SLC16A10: variants seen among roughly 807,000 people sequenced by gnomAD.
SLC16A10 encodes solute carrier family 16 member 10.
SLC16A10 carries 27 observed loss-of-function variants against 40.0 expected under a neutral mutation model. The ratio of observed to expected loss-of-function variants is 0.67; its 90% confidence interval spans 0.50 to 0.93. The LOEUF (loss-of-function observed/expected upper bound fraction) is 0.93, where lower values mean the gene tolerates loss of function less well. Among genes scored for constraint, SLC16A10 ranks in the 40% least tolerant of loss-of-function variants. The probability of loss-of-function intolerance (pLI) is 0.00; values close to 1 mark genes in which losing one functional copy is unlikely to be tolerated. For synonymous variants in SLC16A10, 213 were observed against 249.8 expected (o/e 0.85, Z 1.39); for missense variants, 529 against 658.2 (o/e 0.80, Z 2.15).
At chr6:111,146,140 G>A (rs1583327172) in intron 1 of SLC16A10, among the ~76,000 whole-genome samples, 1 of 152,180 alleles carries the variant, frequency 6.6e-6, no homozygotes, top group Non-Finnish European at 1.5e-5. Context: ...ATTTAAAAAT[G>A]TTGAAAGGAT....
At chr6:111,155,470 G>A (rs532661181) in intron 1 of SLC16A10, among the ~76,000 whole-genome samples, 34 of 152,188 alleles carry the variant, frequency 2.2e-4, no homozygotes, top group Non-Finnish European at 4.6e-4. Flanking sequence ...AAAGTGTTGG[G>A]ATTACAGACG....
chr6:111,178,672 C>T (rs1157528649), intron 3 of SLC16A10: 2 of 214,092 alleles, frequency 9.3e-6, no homozygotes, highest in Non-Finnish European at 1.9e-5. Flanking sequence ...AATGTATTTA[C>T]AATTCACCGT....
At chr6:111,150,048 AT>A (rs1222112313) in intron 1 of SLC16A10, among the ~76,000 whole-genome samples, 4 of 152,212 alleles carry the variant, frequency 2.6e-5, no homozygotes, top group Non-Finnish European at 5.9e-5. Flanking sequence ...TATGGGCTGA[AT>A]TTGTCTCCCA....
intron 5 of SLC16A10, among the ~76,000 whole-genome samples, chr6:111,220,009 C>T (rs941128046): frequency 2.6e-5 from 4 of 152,284 alleles, no homozygotes; most frequent in East Asian, 1.9e-4. Context: ...GGATCTATTG[C>T]GCCTGGGAGA....
In SLC16A10 at chr6:111,172,726, T is replaced by G; in HGVS notation, c.375T>G (p.Ile125Met). 2 of 1,614,178 alleles carry G rather than the reference T, an allele frequency of 1.2e-6. No homozygotes were observed. Among genetic ancestry groups the G allele is most frequent in the South Asian group, 2.2e-5 (2 of 91,078 alleles). The change falls in exon 2 of 6, where the codon ATT becomes ATG. Residue 125 changes from isoleucine (I) to methionine (M), a missense_variant. By Grantham distance (10) the Ile-to-Met change is conservative. Coordinates refer to ENST00000368851, the MANE Select transcript of SLC16A10 (RefSeq NM_018593.5). ...TAGGTTCTCTCTCCATGGGGATGAT[T>G]TTCTTTTGCTGCCCAATAGTCAGCG... ...AWVGSLSMGM[I>M]FFCCPIVSVF... is the part of the protein sequence containing the mutation.
intron 3 of SLC16A10, among the ~76,000 whole-genome samples, chr6:111,190,355 A>T (rs139938052): frequency 5.2e-4 from 79 of 152,230 alleles, no homozygotes; most frequent in African/African-American, 1.8e-3. Flanking sequence ...GCTGGCATTG[A>T]GTGTCTGCAG....
At chr6:111,168,280 G>A (rs961805893) in intron 1 of SLC16A10, among the ~76,000 whole-genome samples, 10 of 152,074 alleles carry the variant, frequency 6.6e-5, no homozygotes, top group East Asian at 1.9e-4. Context: ...ACGCCTGGCC[G>A]TTTGCATTTT....
chr6:111,111,456 C>T (rs983978442), intron 1 of SLC16A10, among the ~76,000 whole-genome samples: 2 of 152,102 alleles, frequency 1.3e-5, no homozygotes, highest in Non-Finnish European at 2.9e-5. Context: ...CATGGTGGCT[C>T]ACGCCTGTAA....
At chr6:111,191,577 TC>T (rs1583354043) in intron 3 of SLC16A10, among the ~76,000 whole-genome samples, 1 of 152,184 alleles carries the variant, frequency 6.6e-6, no homozygotes, top group Admixed American at 6.5e-5. Context: ...TGGTTCAAGT[TC>T]CTTGAGGAAT....
intron 3 of SLC16A10, among the ~76,000 whole-genome samples, chr6:111,188,721 TTA>T (rs1320154555): frequency 6.6e-6 from 1 of 152,218 alleles, no homozygotes; most frequent in East Asian, 1.9e-4. Flanking sequence ...TTTGTTGTTG[TTA>T]TGTGGCCTGG....
intron 1 of SLC16A10, among the ~76,000 whole-genome samples, chr6:111,089,918 T>TG: frequency 2.0e-5 from 2 of 101,176 alleles, no homozygotes; most frequent in South Asian, 3.8e-4. Context: ...GTTTTTTTTT[T>TG]TTTTTTTTTT....
chr6:111,197,739 C>T (rs1185315657), intron 3 of SLC16A10, among the ~76,000 whole-genome samples: 6 of 151,842 alleles, frequency 4.0e-5, no homozygotes, highest in East Asian at 1.9e-4. Context: ...TTACTCATGG[C>T]GAAAGCAGAG....
chr6:111,134,683 C>T (rs1771846107), intron 1 of SLC16A10, among the ~76,000 whole-genome samples: 1 of 152,172 alleles, frequency 6.6e-6, no homozygotes, highest in Admixed American at 6.5e-5. Context: ...GTCTCAAGGA[C>T]ACTTTAAAAA....
At chr6:111,191,423 T>C (rs1259563349) in intron 3 of SLC16A10, among the ~76,000 whole-genome samples, 1 of 152,218 alleles carries the variant, frequency 6.6e-6, no homozygotes. Flanking sequence ...CTATCACTGA[T>C]GGGCATTTGG....
intron 3 of SLC16A10, among the ~76,000 whole-genome samples, chr6:111,187,934 G>GA (rs1772926429): frequency 6.6e-6 from 1 of 152,160 alleles, no homozygotes; most frequent in African/African-American, 2.4e-5. Flanking sequence ...ACTGGGCCAG[G>GA]AATGGGCTGC....
At chr6:111,164,942 G>A (rs1311595776) in intron 1 of SLC16A10, among the ~76,000 whole-genome samples, 1 of 152,080 alleles carries the variant, frequency 6.6e-6, no homozygotes, top group Non-Finnish European at 1.5e-5. Flanking sequence ...AGGTATTATA[G>A]CTTTTATTTT....
rs1770895859 is a variant in SLC16A10 at position 111,087,845 on chromosome 6, C to G, written c.93C>G (p.Pro31=). 7.3e-7 allele frequency: 1 copy of G among 1,373,580 alleles called. No individual in the cohort carries two copies. The allele number at this position is 1,373,580 out of a possible 1,614,324, so 85.1% of individuals were successfully genotyped here. Reference sequence around the variant, plus strand: ...CGCCCACGGGGGCCGCTCCGCCGCCCGGCCCGGGACCCTCGGACAGCCCCG... The same window carrying G: ...CGCCCACGGGGGCCGCTCCGCCGCCGGGCCCGGGACCCTCGGACAGCCCCG... ...GPAPTGAAPP[P]GPGPSDSPEA... Residue 31 remains proline (P), a synonymous_variant, in exon 1 of 6, where the codon CCC becomes CCG. Coordinates refer to ENST00000368851, the MANE Select transcript of SLC16A10 (RefSeq NM_018593.5).
At chr6:111,088,304 A>G (rs971489304) in intron 1 of SLC16A10, among the ~76,000 whole-genome samples, 1 of 152,172 alleles carries the variant, frequency 6.6e-6, no homozygotes, top group Non-Finnish European at 1.5e-5. Flanking sequence ...ATCCAGCTGC[A>G]GAGCTGTGTG....
At chr6:111,206,820 T>A in intron 4 of SLC16A10, 85 bp downstream of exon 4, 1 of 1,432,402 alleles carries the variant, frequency 7.0e-7, no homozygotes, top group Non-Finnish European at 9.4e-7. Context: ...GCTTAAATTC[T>A]TTTTTTTTCT....
Sources: allele counts gnomAD v4.1 joint callset (sites outside exome capture counted in the v4.1 genomes callset), GRCh38; gene constraint gnomAD v4.1.1; transcripts MANE v1.5; gene names NCBI Gene and HGNC (gene_info 2026-07-23, HGNC 2026-07-21).